The following HYAL4 variants were observed in gnomAD, a reference collection of about 807,000 sequenced individuals.
HYAL4 encodes hyaluronidase-4.
Under a neutral mutation model 35.2 loss-of-function variants are expected in HYAL4, and 37 were observed. The observed-to-expected ratio is 1.05, with a 90% CI of 0.81 to 1.38. The LOEUF (loss-of-function observed/expected upper bound fraction) is 1.38. HYAL4 is among the 40% of genes most tolerant of loss of function. The pLI is 0.00. For synonymous variants in HYAL4, 198 were observed against 203.2 expected (o/e 0.97, Z 0.22); for missense variants, 572 against 572.4 (o/e 1.00, Z 0.01).
the HYAL4 span, among the ~76,000 whole-genome samples, chr7:123,820,899 G>A: frequency 1.3e-5 from 2 of 152,116 alleles, no homozygotes; most frequent in Middle Eastern, 3.2e-3. Context: ...GAATCATGTA[G>A]CATTTGTCCT....
chr7:123,840,869 A>C (rs983280064), upstream of HYAL4, among the ~76,000 whole-genome samples: 12 of 152,034 alleles, frequency 7.9e-5, no homozygotes, highest in Non-Finnish European at 1.6e-4. Context: ...GTTGCTTATC[A>C]GCTTAAGGAG....
the HYAL4 span, chr7:123,814,023 A>G: frequency 6.6e-6 from 1 of 152,204 alleles, no homozygotes. Context: ...GATATTTTAA[A>G]ATATTTGGTC....
chr7:123,847,020 T>G (rs890693132), intron 1 of HYAL4, among the ~76,000 whole-genome samples: 1 of 152,182 alleles, frequency 6.6e-6, no homozygotes, highest in Admixed American at 6.5e-5. Flanking sequence ...AGCATTCCGC[T>G]TCCTTCAGAT....
intron 2 of HYAL4, among the ~76,000 whole-genome samples, chr7:123,850,501 A>G (rs761221848): frequency 1.2e-4 from 19 of 152,128 alleles, no homozygotes; most frequent in Non-Finnish European, 2.1e-4. Context: ...CGGCCTCCCA[A>G]AGTACTGGGA....
intron 2 of HYAL4, among the ~76,000 whole-genome samples, chr7:123,854,697 GT>G (rs1228868749): frequency 6.6e-6 from 1 of 152,174 alleles, no homozygotes; most frequent in Non-Finnish European, 1.5e-5. Flanking sequence ...TGTATATTCT[GT>G]TGATTTTGGG....
intron 3 of HYAL4, among the ~76,000 whole-genome samples, chr7:123,872,661 C>A (rs546552738): frequency 2.0e-5 from 3 of 152,286 alleles, no homozygotes; most frequent in African/African-American, 7.2e-5. Flanking sequence ...TGTAATGTGA[C>A]AACACCACTG....
At chr7:123,801,403 T>C in the HYAL4 span, among the ~76,000 whole-genome samples, 1 of 152,188 alleles carries the variant, frequency 6.6e-6, no homozygotes, top group South Asian at 2.1e-4. Flanking sequence ...CAATCAAAAA[T>C]AGGTAAACTA....
chr7:123,771,290 T>C, the HYAL4 span, among the ~76,000 whole-genome samples: 1 of 152,242 alleles, frequency 6.6e-6, no homozygotes, highest in African/African-American at 2.4e-5. Flanking sequence ...TATTCACTGA[T>C]TCCAAATCTC....
chr7:123,821,007 T>G, the HYAL4 span, among the ~76,000 whole-genome samples: 1 of 152,208 alleles, frequency 6.6e-6, no homozygotes, highest in Non-Finnish European at 1.5e-5. Context: ...TGACTAATAT[T>G]TCATTGTATG....
At chr7:123,821,736 C>A in the HYAL4 span, among the ~76,000 whole-genome samples, 1 of 152,150 alleles carries the variant, frequency 6.6e-6, no homozygotes, top group Non-Finnish European at 1.5e-5. Context: ...TGTCAAGAAG[C>A]ATTCTCCCTA....
intron 2 of HYAL4, among the ~76,000 whole-genome samples, chr7:123,852,251 C>T (rs1412235960): frequency 1.3e-5 from 2 of 152,156 alleles, no homozygotes; most frequent in Non-Finnish European, 2.9e-5. Flanking sequence ...AATTAGATCC[C>T]ATTTGTCAAT....
chr7:123,876,170 T>C, intron 4 of HYAL4: 1 of 400,236 alleles, frequency 2.5e-6, no homozygotes, highest in Non-Finnish European at 4.9e-6. Context: ...TTTCATGTGT[T>C]TGAATTGTAT....
chr7:123,812,273 T>C, the HYAL4 span, among the ~76,000 whole-genome samples: 1 of 152,098 alleles, frequency 6.6e-6, no homozygotes, highest in Non-Finnish European at 1.5e-5. Context: ...TATGTATGCA[T>C]GTATTAGTAT....
At chr7:123,766,807 C>T in the HYAL4 span, among the ~76,000 whole-genome samples, 1 of 152,092 alleles carries the variant, frequency 6.6e-6, no homozygotes, top group Admixed American at 6.5e-5. Flanking sequence ...TAACATATTT[C>T]TCCCCATTTC....
intron 2 of HYAL4, among the ~76,000 whole-genome samples, chr7:123,850,593 T>A (rs1010977045): frequency 6.6e-6 from 1 of 152,210 alleles, no homozygotes; most frequent in Non-Finnish European, 1.5e-5. Context: ...AACCTGTAGT[T>A]GTTTTGTTCA....
chr7:123,779,225 A>G, the HYAL4 span, among the ~76,000 whole-genome samples: 187 of 152,254 alleles, frequency 1.2e-3, no homozygotes, highest in African/African-American at 4.4e-3. Flanking sequence ...ACATAAACCA[A>G]AGCTCTCTAA....
the HYAL4 span, among the ~76,000 whole-genome samples, chr7:123,780,554 G>A: frequency 1.3e-5 from 2 of 152,130 alleles, no homozygotes; most frequent in Non-Finnish European, 2.9e-5. Context: ...AAGAATATAT[G>A]AAATCATCTG....
Position 123,868,367 on chromosome 7 carries a change from A to G in HYAL4, c.94A>G (p.Ile32Val), listed in dbSNP as rs1255909783. ...CCTTATATTTTTTATTCTAAAGTCT[A>G]TCTCTTGTCTAAAACCTGCTCGACT... Reference protein sequence around the residue: ...WLLIFFILKSISCLKPARLPI... With the variant: ...WLLIFFILKSVSCLKPARLPI... Residue 32 changes from isoleucine to valine, a missense_variant, in exon 3 of 5, where the codon ATC (isoleucine) becomes GTC (valine). Transcript: ENST00000223026. 1.2e-6 allele frequency: 2 copies of G among 1,611,094 alleles called. No individual in the cohort carries two copies. Among genetic ancestry groups the G allele is most frequent in the East Asian group, 2.2e-5 (1 of 44,864 alleles).
the HYAL4 span, among the ~76,000 whole-genome samples, chr7:123,786,806 T>C: frequency 1.3e-5 from 2 of 151,938 alleles, no homozygotes; most frequent in African/African-American, 4.8e-5. Context: ...GAGACTTGGG[T>C]GAATAAAGTC....
Sources: allele counts gnomAD v4.1 joint callset (sites outside exome capture counted in the v4.1 genomes callset), GRCh38; gene constraint gnomAD v4.1.1; transcripts MANE v1.5; gene names NCBI Gene and HGNC (gene_info 2026-07-23, HGNC 2026-07-21).